The following GCN1 variants were observed in gnomAD, a reference collection of about 807,000 sequenced individuals.
GCN1 encodes stalled ribosome sensor GCN1.
GCN1 carries 90 observed loss-of-function variants against 288.4 expected under a neutral mutation model. The ratio of observed to expected loss-of-function variants is 0.31; its 90% CI spans 0.26 to 0.37. GCN1 has a LOEUF of 0.37. Among genes scored for constraint, GCN1 ranks in the 10% least tolerant of loss-of-function variants. GCN1 has a pLI of 1.00. For missense variants in GCN1, 2,586 were observed against 3,419.9 expected (o/e 0.76, Z 6.08); for synonymous variants, 1,386 against 1,420.2 (o/e 0.98, Z 0.54).
intron 16 of GCN1, 41 bp downstream of exon 16, chr12:120,168,167 T>C (rs776292753): frequency 1.7e-6 from 2 of 1,167,784 alleles, no homozygotes; most frequent in Non-Finnish European, 2.6e-6. Flanking sequence ...CAAAGAGACT[T>C]TGCCTCAATC....
At chr12:120,180,782 A>G (rs1387288834) in intron 5 of GCN1, among the ~76,000 whole-genome samples, 2 of 151,610 alleles carry the variant, frequency 1.3e-5, no homozygotes, top group East Asian at 3.9e-4. Flanking sequence ...AGGTCAGGAG[A>G]TCGAGACCAT....
rs368144298 is a variant in GCN1 at position 120,141,033 on chromosome 12, G to A, written c.5830-10C>T. On this transcript the variant is annotated splice_polypyrimidine_tract_variant and intron_variant, in intron 44 of 57. Transcript: ENST00000300648. ...ATGTTCTCGCTGCAATCTGTCAACA[G>A]AGACCAATCCAGGAAGTAAAGTCCC... The A allele has an allele frequency of 3.5e-5, 56 of 1,608,550 alleles. No homozygotes were observed. The highest frequency in any genetic ancestry group is 3.4e-6 in the Non-Finnish European group (4 of 1,176,726).
At chr12:120,171,559 T>C (rs186399615) in intron 14 of GCN1, among the ~76,000 whole-genome samples, 2 of 152,300 alleles carry the variant, frequency 1.3e-5, no homozygotes, top group Admixed American at 6.5e-5. Flanking sequence ...ACTAAATGGG[T>C]ACATCAGAAC....
chr12:120,164,587 G>A (rs1878041158), intron 17 of GCN1, 59 bp downstream of exon 17: 12 of 1,597,848 alleles, frequency 7.5e-6, no homozygotes, highest in Admixed American at 1.7e-5. Context: ...CCTTTCTCGG[G>A]TTCCTGCCAG....
rs751753705 is a variant in GCN1, at chr12:120,127,982, G to A, written c.7891-8C>T. ...CAGGATCTTGGAGAGGGACTGTGGG[G>A]AAGGATGAGCAGGAGGAAACATAGT... On this transcript the variant is annotated splice_region_variant and splice_polypyrimidine_tract_variant and intron_variant, in intron 57 of 57. Transcript: ENST00000300648. 4.3e-6 allele frequency: 7 copies of A among 1,613,884 alleles called. No individual in the cohort carries two copies. The Admixed American group carries it at 5.0e-5, about 12-fold the overall frequency.
rs1436936432 is a variant in GCN1, at chr12:120,157,010, G to A, written c.3088-18C>T. 8.2e-6 allele frequency: 13 copies of A among 1,591,010 alleles called. No individual in the cohort carries two copies. Among genetic ancestry groups the A allele is most frequent in the Non-Finnish European group, 1.1e-5 (13 of 1,159,416 alleles). On this transcript the variant is annotated intron_variant, in intron 26 of 57. Coordinates refer to ENST00000300648, the MANE Select transcript of GCN1 (RefSeq NM_006836.2). Reference sequence around the variant, plus strand: ...GGGCCATTCTAGGAGAGAACGGCAGGTAAGTCGAGATGAGGCTGTGGGGAG... The same window carrying A: ...GGGCCATTCTAGGAGAGAACGGCAGATAAGTCGAGATGAGGCTGTGGGGAG...
In GCN1 at chr12:120,194,391, G is replaced by A. The variant is rs916270352; in HGVS notation, c.18+289C>T. On this transcript the variant is annotated intron_variant, in intron 1 of 57. Coordinates refer to ENST00000300648, the MANE Select transcript of GCN1 (RefSeq NM_006836.2). ...CTTTGGAGAAAAGAAGTAGAGGCTC[G>A]GTAAAGTGAACTTCTGCAACTCTGG... Among the ~76,000 whole-genome samples the A allele has an allele frequency of 5.9e-5, 9 of 152,340 alleles. No individual in the cohort carries two copies. The East Asian group carries it at 1.7e-3, about 29-fold the overall frequency.
At position 120,184,728 on chromosome 12, in the gene GCN1, C is replaced by T; in HGVS notation, c.185+96G>A. ...GATGTGACATAGCCCAGATTTGGCACCAGGCAGTCTGGCTCTAATCTGGGC... is the reference window on the plus strand; with the variant it reads ...GATGTGACATAGCCCAGATTTGGCATCAGGCAGTCTGGCTCTAATCTGGGC... On this transcript the variant is annotated intron_variant, in intron 3 of 57. Transcript: ENST00000300648. The T allele has an allele frequency of 2.2e-5, 20 of 896,176 alleles. No homozygotes were observed. In the South Asian group the frequency reaches 2.4e-4, roughly 11 times the overall value. 55.5% of individuals were successfully genotyped at this position (896,176 alleles called of 1,614,324 possible). A position where few individuals can be genotyped will look rare whatever the true frequency, so the allele number is the denominator to read the frequency against.
rs1418774820 is a variant in GCN1 at position 120,177,521 on chromosome 12, T to C, written c.764A>G (p.His255Arg). The change falls in exon 9 of 58, where the codon CAC (histidine) becomes CGC (arginine). Residue 255 changes from histidine to arginine, a missense_variant. By Grantham distance (29) the His-to-Arg change is conservative. Transcript: ENST00000300648. ...SCAPLLRYLS[H>R]SEFKDLILPT... ...CAGTATCAGATCCTTAAATTCTGAG[T>C]GGGACAGGTATCGGAGCAGAGGGGC... 1.2e-6 allele frequency: 2 copies of C among 1,611,512 alleles called. No individual in the cohort carries two copies. The highest frequency in any genetic ancestry group is 8.5e-7 in the Non-Finnish European group (1 of 1,177,744).
intron 5 of GCN1, among the ~76,000 whole-genome samples, chr12:120,182,854 C>T (rs1184231605): frequency 1.3e-5 from 2 of 150,562 alleles, no homozygotes; most frequent in Admixed American, 6.6e-5. Context: ...GCAAGAGAAA[C>T]GCTTGAACCC....
chr12:120,137,197 C>A lies in GCN1; in HGVS notation c.6777+9G>T, dbSNP rs1307771577. 1.2e-6 allele frequency: 2 copies of A among 1,606,022 alleles called. No individual in the cohort carries two copies. The highest frequency in any genetic ancestry group is 2.7e-5 in the African/African-American group (2 of 74,748). On this transcript the variant is annotated intron_variant, in intron 50 of 57. Coordinates refer to ENST00000300648, the MANE Select transcript of GCN1 (RefSeq NM_006836.2). This position sits in a 1 kb window ranked among gnomAD's most constrained non-coding sequence, Gnocchi z 5.2. ...CGCCCACAGCCCCCTGCACGAGGCC[C>A]TGGCTTACCTTCTTCGGGAGGCAGA... is the stretch of plus-strand genomic sequence containing the variant.
chr12:120,153,662 T>C lies in GCN1; in HGVS notation c.3867+82A>G, dbSNP rs567296188. On this transcript the variant is annotated intron_variant, in intron 32 of 57. Coordinates refer to ENST00000300648, the MANE Select transcript of GCN1 (RefSeq NM_006836.2). The surrounding 1 kb of genome is among the most constrained non-coding windows in gnomAD (Gnocchi z 4.4). ...AGCATTTCTGGCCCCTGCTCAGCCC[T>C]AGCGCCTGCCTCCCGTGTCTCCTTA... 2.5e-5 allele frequency: 34 copies of C among 1,372,428 alleles called. No individual in the cohort carries two copies. Among genetic ancestry groups the C allele is most frequent in the Admixed American group, 2.3e-4 (13 of 56,026 alleles). The allele number at this position is 1,372,428 out of a possible 1,614,324, so 85.0% of individuals were successfully genotyped here.
chr12:120,161,054 G>A (rs547697346), intron 22 of GCN1, among the ~76,000 whole-genome samples: 117 of 152,296 alleles, frequency 7.7e-4, no homozygotes, highest in African/African-American at 2.6e-3. Context: ...GAGAAGGAAA[G>A]AGTCCTGTGT....
At chr12:120,171,521 T>G (rs7296380) in intron 14 of GCN1, among the ~76,000 whole-genome samples, 56,792 of 151,942 alleles carry the variant, frequency 0.37, 12,467 homozygotes, top group African/African-American at 0.6. Flanking sequence ...CCCAACACCT[T>G]GGTTTGTTGT....
chr12:120,140,763 C>T (rs750704508), intron 45 of GCN1, 96 bp downstream of exon 45: 1 of 1,204,192 alleles, frequency 8.3e-7, no homozygotes, highest in East Asian at 2.4e-5. Flanking sequence ...GCAGCACAAA[C>T]CCCCTAGAGG....
rs1382936889 is a variant in GCN1 at position 120,155,532 on chromosome 12, A to G, written c.3440+60T>C. The G allele has an allele frequency of 1.8e-5, 29 of 1,608,788 alleles. No homozygotes were observed. Among genetic ancestry groups the G allele is most frequent in the Non-Finnish European group, 2.4e-5 (28 of 1,175,614 alleles). On this transcript the variant is annotated intron_variant, in intron 29 of 57. Transcript: ENST00000300648. The surrounding 1 kb of genome is among the most constrained non-coding windows in gnomAD (Gnocchi z 4.9). ...ACTGGAGGCTGAGCACACTGGGTTCAGTTATTTCCTAAAGGAAGAGAGGAT... is the reference window on the plus strand; with the variant it reads ...ACTGGAGGCTGAGCACACTGGGTTCGGTTATTTCCTAAAGGAAGAGAGGAT...
intron 38 of GCN1, among the ~76,000 whole-genome samples, chr12:120,146,486 A>G (rs533969804): frequency 1.3e-5 from 2 of 152,176 alleles, no homozygotes; most frequent in East Asian, 3.9e-4. Context: ...CCATTTCAGC[A>G]TCCCAAAGTC....
chr12:120,127,637 C>T lies in GCN1; in HGVS notation c.*212G>A. ...GCTGAGGCGCATGCGTGTGCTTTTC[C>T]TTCTCTTCTCCACAGGAAAAGGTGA... On this transcript the variant is annotated 3_prime_UTR_variant, in exon 58 of 58. Transcript: ENST00000300648. 1 of 580,942 alleles carries T rather than the reference C, an allele frequency of 1.7e-6. No homozygotes were observed. The highest frequency in any genetic ancestry group is 2.0e-5 in the South Asian group (1 of 49,924). The allele number at this position is 580,942 out of a possible 1,614,324, so 36.0% of individuals were successfully genotyped here. A position where few individuals can be genotyped will look rare whatever the true frequency, so the allele number is the denominator to read the frequency against.
intron 16 of GCN1, among the ~76,000 whole-genome samples, chr12:120,165,051 A>ATTTT (rs60284535): frequency 3.9e-4 from 55 of 142,158 alleles, no homozygotes; most frequent in African/African-American, 1.4e-3. Flanking sequence ...ATATATATAT[A>ATTTT]TTTTTTTTTT....
Sources: gnomAD v4.1 joint callset for allele counts (sites outside exome capture counted in the v4.1 genomes callset) on GRCh38, gnomAD v4.1.1 for gene constraint, Gnocchi (gnomAD v3.1) non-coding constraint, MANE v1.5 for transcripts, NCBI Gene and HGNC (gene_info 2026-07-23, HGNC 2026-07-21) for gene names.